The following VWA3A variants were observed in gnomAD, a reference collection of about 807,000 sequenced individuals.
VWA3A encodes the protein von Willebrand factor A domain-containing protein 3A.
A neutral mutation model predicts 160.4 loss-of-function variants in VWA3A; 134 were observed. The observed-to-expected ratio is 0.84, with a 90% CI of 0.73 to 0.96. The LOEUF is 0.96. Ranked by LOEUF, VWA3A falls within the 40% of genes least tolerant of loss-of-function variation. The pLI is 0.00. For synonymous variants in VWA3A, 476 were observed against 543.4 expected (o/e 0.88, Z 1.72); for missense variants, 1,310 against 1,447.9 (o/e 0.90, Z 1.55).
intron 1 of VWA3A, among the ~76,000 whole-genome samples, chr16:22,093,113 A>G (rs1440586112): frequency 1.3e-5 from 2 of 151,988 alleles, no homozygotes. Flanking sequence ...CTCTGAGTGC[A>G]TTTATTCAAC....
Position 22,117,091 on chromosome 16 carries a change from C to T in VWA3A, c.925-20C>T, listed in dbSNP as rs1277544673. On this transcript the variant is annotated intron_variant, in intron 10 of 33. Coordinates refer to ENST00000389398, the MANE Select transcript of VWA3A (RefSeq NM_173615.5). Reference sequence around the variant, plus strand: ...TTGGTGTTGCCCTAGTGAGGCCTGACCCTGGCCTCATCCCTGCAGGCTGTC... The same window carrying T: ...TTGGTGTTGCCCTAGTGAGGCCTGATCCTGGCCTCATCCCTGCAGGCTGTC... 2 of 1,569,780 alleles carry T rather than the reference C, an allele frequency of 1.3e-6. No individual in the cohort carries two copies. The highest frequency in any genetic ancestry group is 1.7e-6 in the Non-Finnish European group (2 of 1,156,986).
chr16:22,152,384 C>T (rs1217464309), intron 30 of VWA3A, 127 bp from the exon 31 acceptor site: 1 of 1,270,752 alleles, frequency 7.9e-7, no homozygotes, highest in East Asian at 2.6e-5. Context: ...ATGGGACAAG[C>T]CACGGCCCAT....
intron 6 of VWA3A, among the ~76,000 whole-genome samples, chr16:22,107,383 A>G (rs564644508): frequency 6.6e-6 from 1 of 152,292 alleles, no homozygotes; most frequent in Admixed American, 6.5e-5. Flanking sequence ...CCAAATGTCA[A>G]TAGTGCCAAA....
intron 15 of VWA3A, 84 bp from the exon 16 acceptor site, chr16:22,123,529 C>A (rs1430134874): frequency 8.1e-6 from 13 of 1,610,062 alleles, no homozygotes; most frequent in Non-Finnish European, 1.0e-5. Context: ...TCCCTGAAGC[C>A]CACCCAGGTA....
At chr16:22,096,706 C>G (rs914505904) in intron 1 of VWA3A, among the ~76,000 whole-genome samples, 153 bp from the exon 2 acceptor site, 2 of 151,952 alleles carry the variant, frequency 1.3e-5, no homozygotes, top group Admixed American at 6.6e-5. Context: ...GATTGGGCCA[C>G]TGTACTCCAG....
At chr16:22,107,773 ACT>A (rs2045502202) in intron 6 of VWA3A, among the ~76,000 whole-genome samples, 1 of 151,882 alleles carries the variant, frequency 6.6e-6, no homozygotes, top group Admixed American at 6.6e-5. Context: ...GGGACCTGAG[ACT>A]CTGCATTTCT....
chr16:22,109,691 A>G, intron 7 of VWA3A, 111 bp downstream of exon 7: 1 of 886,318 alleles, frequency 1.1e-6, no homozygotes, highest in South Asian at 1.6e-5. Context: ...AGGGTGTCTT[A>G]TAAAGAACAG....
intron 14 of VWA3A, among the ~76,000 whole-genome samples, chr16:22,122,269 ATGGATGGATGGG>A (rs1567206941): frequency 2.7e-5 from 4 of 149,452 alleles, no homozygotes; most frequent in Non-Finnish European, 5.9e-5. Flanking sequence ...GAGTGGATGG[ATGGATGGATGGG>A]TGGATGGATG....
Position 22,093,610 on chromosome 16 carries a change from T to C in VWA3A, c.14+959T>C, listed in dbSNP as rs138023953. ...TGAAGATGCAGCCCATATTTTATGG[T>C]ATTCTACATTTGTATAGTACTTCAT... On this transcript the variant is annotated intron_variant, in intron 1 of 33. Transcript: ENST00000389398. Among the ~76,000 whole-genome samples, 459 of 152,336 alleles carry C rather than the reference T, an allele frequency of 3.0e-3. 2 individuals carry two copies. Among genetic ancestry groups the C allele is most frequent in the African/African-American group, 0.01 (416 of 41,574 alleles).
chr16:22,115,495 G>C (rs1251198186), intron 9 of VWA3A, 23 bp downstream of exon 9: 2 of 1,582,846 alleles, frequency 1.3e-6, no homozygotes, highest in Admixed American at 3.8e-5. Context: ...TCCTAAGCAG[G>C]TGACATACTA....
rs772159175 is a variant in VWA3A at position 22,140,252 on chromosome 16, A to T, written c.2383+8A>T. The T allele has an allele frequency of 1.4e-5, 23 of 1,612,820 alleles. No individual in the cohort carries two copies. Among genetic ancestry groups the T allele is most frequent in the Admixed American group, 1.7e-5 (1 of 59,918 alleles). On this transcript the variant is annotated splice_region_variant and intron_variant, in intron 23 of 33. Coordinates refer to ENST00000389398, the MANE Select transcript of VWA3A (RefSeq NM_173615.5). ...GAGTTGGCATCTCACCAGGTAAGGC[A>T]CCATCACGGTCAGGCAGGGTGGAGG...
At position 22,131,575 on chromosome 16, in the gene VWA3A, G is replaced by A. The variant is rs1223512771; in HGVS notation, c.1728-10G>A. 6.2e-7 allele frequency: 1 copy of A among 1,610,044 alleles called. No homozygotes were observed. The highest frequency in any genetic ancestry group is 8.5e-7 in the Non-Finnish European group (1 of 1,177,956). On this transcript the variant is annotated splice_polypyrimidine_tract_variant and intron_variant, in intron 18 of 33. Coordinates refer to ENST00000389398, the MANE Select transcript of VWA3A (RefSeq NM_173615.5). Reference sequence around the variant, plus strand: ...AATGACCCTCAGCATGGCCATCTCTGCCTCCGCAGGTGGGCCCTGAACCTG... The same window carrying A: ...AATGACCCTCAGCATGGCCATCTCTACCTCCGCAGGTGGGCCCTGAACCTG...
At chr16:22,122,308 G>GATGC (rs1373142416) in intron 14 of VWA3A, among the ~76,000 whole-genome samples, 1,868 of 149,952 alleles carry the variant, frequency 0.012, 36 homozygotes, top group African/African-American at 0.044. Flanking sequence ...TGGATGGATG[G>GATGC]ATGCATGGAT....
rs1267589853 is a variant in VWA3A, at chr16:22,115,928, A to AAGG, written c.815+457_815+458insGGA. On this transcript the variant is annotated intron_variant, in intron 9 of 33. Transcript: ENST00000389398. ...AAGGAAGGAAGGAAGGAAGGAAAGG[A>AAGG]AAGGAAAGGAAGGGAGGAGGGGGTG... Among the ~76,000 whole-genome samples, 50 of 27,290 alleles carry AAGG rather than the reference A, an allele frequency of 1.8e-3. 5 individuals are homozygous for AAGG. Among genetic ancestry groups the AAGG allele is most frequent in the South Asian group, 0.018 (5 of 284 alleles). 17.9% of individuals were successfully genotyped at this position (27,290 alleles called of 152,430 possible).
chr16:22,132,558 A>G (rs947410270), intron 19 of VWA3A, among the ~76,000 whole-genome samples: 1 of 151,910 alleles, frequency 6.6e-6, no homozygotes, highest in Non-Finnish European at 1.5e-5. Context: ...TTTAAAATAC[A>G]TACATACATA....
intron 12 of VWA3A, 24 bp downstream of exon 12, chr16:22,119,051 T>C: frequency 1.9e-6 from 3 of 1,585,918 alleles, no homozygotes; most frequent in Non-Finnish European, 2.6e-6. Context: ...GTGTCAATTC[T>C]GGGGCCTTCT....
rs1219715954 is a variant in VWA3A, at chr16:22,117,521, G to A, written c.990+345G>A. Among the ~76,000 whole-genome samples the A allele has an allele frequency of 2.0e-5, 3 of 152,166 alleles. No homozygotes were observed. The East Asian group carries it at 5.8e-4, about 29-fold the overall frequency. On this transcript the variant is annotated intron_variant, in intron 11 of 33. Coordinates refer to ENST00000389398, the MANE Select transcript of VWA3A (RefSeq NM_173615.5). ...CCAGCCTAGCTCTGCTCCCACCAAA[G>A]CACTAAGTCTGAATTGCCTCGATTT...
At chr16:22,108,484 A>G (rs538246524) in intron 6 of VWA3A, among the ~76,000 whole-genome samples, 1 of 152,296 alleles carries the variant, frequency 6.6e-6, no homozygotes, top group East Asian at 1.9e-4. Flanking sequence ...TCTGCATGGA[A>G]AGATTTTTTT....
At position 22,123,131 on chromosome 16, in the gene VWA3A, T is replaced by C; in HGVS notation, c.1403T>C (p.Ile468Thr). ...TGGCACGACGGGACAGTGAAGAACA[T>C]TCATGTGGACCCACCCTTCCTCTAT... is the stretch of plus-strand genomic sequence containing the variant. ...FEWHDGTVKN[I>T]HVDPPFLYKY... Residue 468 changes from isoleucine to threonine, a missense_variant, in exon 15 of 34, where the codon ATT (isoleucine) becomes ACT (threonine). Ile to Thr is a moderately conservative substitution (Grantham distance 89). Transcript: ENST00000389398. 2 of 1,606,108 alleles carry C rather than the reference T, an allele frequency of 1.2e-6. No individual in the cohort carries two copies. Among genetic ancestry groups the C allele is most frequent in the South Asian group, 2.2e-5 (2 of 89,102 alleles).
Sources: allele counts gnomAD v4.1 joint callset (sites outside exome capture counted in the v4.1 genomes callset), GRCh38; gene constraint gnomAD v4.1.1; transcripts MANE v1.5; gene names NCBI Gene and HGNC (gene_info 2026-07-23, HGNC 2026-07-21).